Variants in INSL6 observed in about 807,000 individuals in gnomAD.
INSL6 encodes insulin like 6.
In INSL6, 16 loss-of-function variants were observed where a neutral mutation model predicts 9.4. The ratio of observed to expected loss-of-function variants is 1.70; its 90% CI spans 1.15 to 2.59. The LOEUF is 2.59. INSL6 is among the 30% of genes most tolerant of loss of function. The pLI is 0.00. For missense variants in INSL6, 391 were observed against 257.3 expected (o/e 1.52, Z -3.56); for synonymous variants, 154 against 96.9 (o/e 1.59, Z -3.46).
the INSL6 span, chr9:5,042,038 C>T: frequency 3.2e-6 from 1 of 310,830 alleles, no homozygotes; most frequent in Non-Finnish European, 6.2e-6. Context: ...TGGCTGGAAG[C>T]CAGGACACAG....
At chr9:5,145,568 C>T (rs1241154503) in intron 2 of INSL6, among the ~76,000 whole-genome samples, 4 of 152,164 alleles carry the variant, frequency 2.6e-5, no homozygotes, top group Non-Finnish European at 4.4e-5. Context: ...GTTGGTTCCA[C>T]TCTTCCCAGC....
rs547001022 is a variant in INSL6, at chr9:5,181,305, A to G, written c.289+4009T>C. On this transcript the variant is annotated intron_variant, in intron 1 of 1. Transcript: ENST00000381641. ...AAATGACATCCTATAGAGTCACAGT[A>G]TCAAAAATAGTAACGATAAAAGGCC... Among the ~76,000 whole-genome samples, 3 of 152,328 alleles carry G rather than the reference A, an allele frequency of 2.0e-5. No individual in the cohort carries two copies. In the South Asian group the frequency reaches 6.2e-4, roughly 32 times the overall value.
chr9:5,097,653 C>T, the INSL6 span: 1 of 152,244 alleles, frequency 6.6e-6, no homozygotes, highest in East Asian at 1.9e-4. Flanking sequence ...GTGGTGGTAA[C>T]ATCAAATGAT....
At chr9:5,126,661 T>A in intron 3 of INSL6, 2 of 1,514,066 alleles carry the variant, frequency 1.3e-6, no homozygotes, top group Non-Finnish European at 1.8e-6. Flanking sequence ...TCATTTAATT[T>A]TGGTTTATTT....
At position 5,167,180 on chromosome 9, in the gene INSL6, C is replaced by G. The variant is rs1825074125; in HGVS notation, c.290-2915G>C. On this transcript the variant is annotated intron_variant, in intron 1 of 1. Transcript: ENST00000381641. ...GGCAAAGGGAGCTCCCTTCCCCAGC[C>G]AAGGGAGGCAGTGAGGGATTGTGCT... Among the ~76,000 whole-genome samples, 4 of 152,180 alleles carry G rather than the reference C, an allele frequency of 2.6e-5. No individual in the cohort carries two copies. In the South Asian group the frequency reaches 8.3e-4, roughly 32 times the overall value.
At chr9:5,028,283 A>G in the INSL6 span, among the ~76,000 whole-genome samples, 1 of 152,208 alleles carries the variant, frequency 6.6e-6, no homozygotes, top group Non-Finnish European at 1.5e-5. Context: ...TCAATGAGTA[A>G]TAATACTTGG....
chr9:5,108,578 C>T, the INSL6 span: 1 of 151,996 alleles, frequency 6.6e-6, no homozygotes, highest in South Asian at 2.1e-4. Context: ...TCCCAAAAGC[C>T]CATGTAGAAG....
chr9:5,169,752 C>T (rs897929973), intron 1 of INSL6, among the ~76,000 whole-genome samples: 3 of 152,092 alleles, frequency 2.0e-5, no homozygotes, highest in East Asian at 1.9e-4. Context: ...TTTAAACCAA[C>T]GAAGATAAAA....
the INSL6 span, among the ~76,000 whole-genome samples, chr9:5,062,068 A>C: frequency 6.6e-6 from 1 of 152,160 alleles, no homozygotes; most frequent in Non-Finnish European, 1.5e-5. Context: ...GTGGTGCCCC[A>C]AAACAATTAC....
chr9:5,057,316 A>G, the INSL6 span, among the ~76,000 whole-genome samples: 20 of 152,044 alleles, frequency 1.3e-4, no homozygotes, highest in Non-Finnish European at 2.5e-4. Flanking sequence ...CCAGTGTATT[A>G]TGTGTTAGTA....
At chr9:5,118,049 A>T in the INSL6 span, among the ~76,000 whole-genome samples, 9 of 152,362 alleles carry the variant, frequency 5.9e-5, no homozygotes, top group South Asian at 1.4e-3. Flanking sequence ...ACATTTAAAT[A>T]ACAGCTATGT....
chr9:5,029,463 A>G, the INSL6 span, among the ~76,000 whole-genome samples: 2 of 152,228 alleles, frequency 1.3e-5, no homozygotes, highest in African/African-American at 4.8e-5. Flanking sequence ...CAAAGTGAGC[A>G]CGTGCTGTTG....
chr9:5,021,140 T>A, the INSL6 span, among the ~76,000 whole-genome samples: 37,869 of 152,068 alleles, frequency 0.25, 5,115 homozygotes, highest in South Asian at 0.32. Context: ...TCTCTAGGCT[T>A]CTGGCTGATC....
chr9:5,097,059 A>G, the INSL6 span: 1 of 152,082 alleles, frequency 6.6e-6, no homozygotes, highest in Non-Finnish European at 1.5e-5. Context: ...ATCCCCCTTT[A>G]GCTGAAAACC....
At chr9:5,085,998 T>C in the INSL6 span, 2 of 876,958 alleles carry the variant, frequency 2.3e-6, no homozygotes, top group Non-Finnish European at 2.0e-6. Context: ...GGTTGTGTGA[T>C]GAAACTGTGA....
chr9:5,043,796 T>C, the INSL6 span, among the ~76,000 whole-genome samples: 1 of 152,228 alleles, frequency 6.6e-6, no homozygotes, highest in Non-Finnish European at 1.5e-5. Context: ...ATACATGCTC[T>C]AATGTGGATG....
chr9:5,043,395 C>T, the INSL6 span, among the ~76,000 whole-genome samples: 3 of 151,494 alleles, frequency 2.0e-5, no homozygotes, highest in East Asian at 5.8e-4. Flanking sequence ...ATCAAAACCA[C>T]GATGGGATAA....
At chr9:5,126,444 G>A (rs1183052571) in intron 3 of INSL6, 1 of 1,592,458 alleles carries the variant, frequency 6.3e-7, no homozygotes, top group Non-Finnish European at 8.6e-7. Context: ...ATGCCCAGAT[G>A]AGGTAACAAT....
the INSL6 span, among the ~76,000 whole-genome samples, chr9:5,115,180 A>G: frequency 5.3e-5 from 8 of 152,326 alleles, no homozygotes; most frequent in South Asian, 1.2e-3. Context: ...CAAAAGGCTA[A>G]TATCAAGAAT....
Sources: allele counts gnomAD v4.1 joint callset (sites outside exome capture counted in the v4.1 genomes callset), GRCh38; gene constraint gnomAD v4.1.1; transcripts MANE v1.5; gene names NCBI Gene and HGNC (gene_info 2026-07-23, HGNC 2026-07-21).